The following IPP variants were observed in gnomAD, a reference collection of about 807,000 sequenced individuals.
IPP encodes the protein intracisternal A particle-promoted polypeptide.
IPP carries 41 observed loss-of-function variants against 64.1 expected under a neutral mutation model. The ratio of observed to expected loss-of-function variants is 0.64; its 90% CI spans 0.50 to 0.83. The LOEUF (loss-of-function observed/expected upper bound fraction) is 0.83, where lower values mean the gene tolerates loss of function less well. Among genes scored for constraint, IPP ranks in the 40% least tolerant of loss-of-function variants. The pLI is 0.00. For missense variants in IPP, 649 were observed against 703.0 expected (o/e 0.92, Z 0.87); for synonymous variants, 214 against 235.2 (o/e 0.91, Z 0.83).
intron 3 of IPP, among the ~76,000 whole-genome samples, chr1:45,735,794 C>CACCACACCAGGCCACCACACCAGGCG (rs1305038790): frequency 1.3e-5 from 2 of 151,512 alleles, no homozygotes; most frequent in African/African-American, 4.8e-5. Flanking sequence ...CACACCAGGC[C>CACCACACCAGGCCACCACACCAGGCG]ACGCCTGGCT....
intron 8 of IPP, among the ~76,000 whole-genome samples, chr1:45,711,712 C>G (rs1252016197): frequency 2.0e-5 from 3 of 151,384 alleles, no homozygotes; most frequent in South Asian, 4.2e-4. Flanking sequence ...TCTGATCATG[C>G]CACTGTACTC....
At chr1:45,747,124 G>A (rs537786500) in intron 1 of IPP, among the ~76,000 whole-genome samples, 1 of 150,220 alleles carries the variant, frequency 6.7e-6, no homozygotes, top group African/African-American at 2.4e-5. Context: ...ACACGAGCGC[G>A]CGCGCGCGCT....
intron 2 of IPP, among the ~76,000 whole-genome samples, chr1:45,742,608 A>C (rs1646081416): frequency 6.6e-6 from 1 of 152,122 alleles, no homozygotes; most frequent in South Asian, 2.1e-4. Context: ...ATCTTGGCCC[A>C]CTGCAACCTC....
chr1:45,740,114 T>C (rs970994763), intron 3 of IPP, among the ~76,000 whole-genome samples: 1 of 152,164 alleles, frequency 6.6e-6, no homozygotes, highest in African/African-American at 2.4e-5. Context: ...ACACAGCCCA[T>C]TTTTCAGAGA....
intron 3 of IPP, among the ~76,000 whole-genome samples, chr1:45,732,395 T>C (rs1411242095): frequency 8.5e-6 from 1 of 118,002 alleles, no homozygotes; most frequent in Non-Finnish European, 1.7e-5. Flanking sequence ...AAAAACAATG[T>C]AGGTCCTGCA....
At chr1:45,737,338 G>A (rs987693631) in intron 3 of IPP, among the ~76,000 whole-genome samples, 6 of 151,286 alleles carry the variant, frequency 4.0e-5, no homozygotes, top group East Asian at 1.9e-4. Context: ...TTGCTAAAAT[G>A]TATTTGTAAC....
chr1:45,723,178 C>T (rs1012025225), intron 5 of IPP, among the ~76,000 whole-genome samples: 2 of 151,814 alleles, frequency 1.3e-5, no homozygotes, highest in Admixed American at 6.6e-5. Flanking sequence ...ATGTATGTAT[C>T]GGGAAGAAAC....
chr1:45,708,070 CT>C (rs967244090), intron 8 of IPP, among the ~76,000 whole-genome samples: 105 of 144,536 alleles, frequency 7.3e-4, no homozygotes, highest in Middle Eastern at 3.6e-3. Flanking sequence ...TTTATTTTTA[CT>C]TTTTTTTTTT....
At position 45,716,946 on chromosome 1, in the gene IPP, C is replaced by T. The variant is rs1348854432; in HGVS notation, c.1258G>A (p.Val420Ile). Reference protein sequence around the residue: ...FDPDENKWEVVGNMAVSRYYF... With the variant: ...FDPDENKWEVIGNMAVSRYYF... ...TAGCGTGACACAGCCATGTTACCAA[C>T]TACTTCCCATTTATTTTCATCAGGA... is the stretch of plus-strand genomic sequence containing the variant. Residue 420 changes from valine (V) to isoleucine (I), a missense_variant, in exon 7 of 9, where the codon GTT (valine) becomes ATT (isoleucine). By Grantham distance (29) the Val-to-Ile change is conservative. Coordinates refer to ENST00000396478, the MANE Select transcript of IPP (RefSeq NM_005897.3). 1.2e-6 allele frequency: 2 copies of T among 1,613,048 alleles called. No homozygotes were observed. The highest frequency in any genetic ancestry group is 1.7e-6 in the Non-Finnish European group (2 of 1,179,230).
intron 5 of IPP, among the ~76,000 whole-genome samples, chr1:45,721,028 T>C (rs375779962): frequency 1.1e-4 from 17 of 152,174 alleles, no homozygotes; most frequent in South Asian, 4.1e-4. Flanking sequence ...CATCAAAGGA[T>C]ACCATAAAGA....
At chr1:45,710,376 C>T (rs1191199827) in intron 8 of IPP, among the ~76,000 whole-genome samples, 2 of 116,538 alleles carry the variant, frequency 1.7e-5, no homozygotes, top group African/African-American at 6.0e-5. Context: ...CGGTGGCTCA[C>T]GCCTGTAATC....
chr1:45,715,039 T>C (rs1009428792), intron 7 of IPP, among the ~76,000 whole-genome samples: 1 of 151,488 alleles, frequency 6.6e-6, no homozygotes, highest in African/African-American at 2.4e-5. Flanking sequence ...GGGCAAAAAA[T>C]ACAAAATTAG....
At chr1:45,739,367 G>T (rs1435731990) in intron 3 of IPP, among the ~76,000 whole-genome samples, 1 of 149,034 alleles carries the variant, frequency 6.7e-6, no homozygotes, top group African/African-American at 2.5e-5. Flanking sequence ...CCAGGTAGCA[G>T]TGACTATAAG....
At position 45,729,681 on chromosome 1, in the gene IPP, A is replaced by C; in HGVS notation, c.813T>G (p.Phe271Leu). 1.9e-6 allele frequency: 3 copies of C among 1,612,770 alleles called. No individual in the cohort carries two copies. The highest frequency in any genetic ancestry group is 1.7e-6 in the Non-Finnish European group (2 of 1,179,020). ...EVCKSPKENK[F>L]CSFLQTSKVR... ...CCTTAGATGTCTGCAGAAAACTACA[A>C]AACTTGTTCTCTTTGGGAGATTTGC... Residue 271 changes from phenylalanine to leucine, a missense_variant, in exon 4 of 9, where the codon TTT becomes TTG. Coordinates refer to ENST00000396478, the MANE Select transcript of IPP (RefSeq NM_005897.3).
At chr1:45,698,546 A>C (rs1220990220), downstream of IPP, among the ~76,000 whole-genome samples, 1 of 152,070 alleles carries the variant, frequency 6.6e-6, no homozygotes, top group Non-Finnish European at 1.5e-5. Flanking sequence ...AAGTACCTAC[A>C]ATTTAGCCCT....
chr1:45,740,986 TC>T lies in IPP; in HGVS notation c.638del (p.Gly213GlufsTer11), dbSNP rs1438546390. 4 of 1,614,050 alleles carry T rather than the reference TC, an allele frequency of 2.5e-6. No homozygotes were observed. The highest frequency in any genetic ancestry group is 3.4e-6 in the Non-Finnish European group (4 of 1,179,936). ...AAMQWILKDL[G>X]KRRKHVVEVL... Reference sequence around the variant, plus strand: ...CTTCCACCACATGTTTTCTTCTTTTTCCCAAATCTTTCAGAATCCATTGCAT... The same window carrying T: ...CTTCCACCACATGTTTTCTTCTTTTTCCAAATCTTTCAGAATCCATTGCAT... On this transcript the variant is annotated frameshift_variant, in exon 3 of 9. Coordinates refer to ENST00000396478, the MANE Select transcript of IPP (RefSeq NM_005897.3). LOFTEE classifies it high-confidence loss of function.
chr1:45,713,335 C>A (rs192754649), intron 8 of IPP, among the ~76,000 whole-genome samples: 31 of 151,950 alleles, frequency 2.0e-4, no homozygotes, highest in Admixed American at 1.8e-3. Flanking sequence ...CTGAGGCGGG[C>A]GGATCACCTG....
intron 1 of IPP, among the ~76,000 whole-genome samples, chr1:45,750,038 G>A (rs1646199552): frequency 6.6e-6 from 1 of 152,114 alleles, no homozygotes; most frequent in Admixed American, 6.5e-5. Context: ...AGGAGAAGGG[G>A]CGAGACTGTC....
At chr1:45,738,364 G>A (rs960755971) in intron 3 of IPP, among the ~76,000 whole-genome samples, 4 of 150,804 alleles carry the variant, frequency 2.7e-5, no homozygotes, top group African/African-American at 9.8e-5. Context: ...TGTTTAAAAT[G>A]GCCCCTAACC....
Sources: gnomAD v4.1 joint callset for allele counts (sites outside exome capture counted in the v4.1 genomes callset) on GRCh38, gnomAD v4.1.1 for gene constraint, MANE v1.5 for transcripts, NCBI Gene and HGNC (gene_info 2026-07-23, HGNC 2026-07-21) for gene names.